The following CEP63 variants were observed in gnomAD, a reference collection of about 807,000 sequenced individuals.
The protein encoded by CEP63 is centrosomal protein 63, also known as centrosomal protein of 63 kDa.
A neutral mutation model predicts 89.1 loss-of-function variants in CEP63; 84 were observed. That is an observed-to-expected ratio of 0.94 (90% CI 0.79 to 1.13). The LOEUF (loss-of-function observed/expected upper bound fraction) is 1.13, where lower values mean the gene tolerates loss of function less well. Among genes scored for constraint, CEP63 ranks in the 50% most tolerant of loss-of-function variants. CEP63 has a pLI of 0.00. For missense variants in CEP63, 838 were observed against 813.3 expected (o/e 1.03, Z -0.37); for synonymous variants, 267 against 272.5 (o/e 0.98, Z 0.20).
the CEP63 span, among the ~76,000 whole-genome samples, chr3:134,700,736 G>A: frequency 2.6e-5 from 4 of 152,100 alleles, 1 homozygote; most frequent in South Asian, 8.3e-4. Context: ...GGGATGGGGA[G>A]GGAGATGAAG....
chr3:134,493,884 C>A (rs1043758655), intron 1 of CEP63, among the ~76,000 whole-genome samples: 2 of 152,096 alleles, frequency 1.3e-5, no homozygotes, highest in African/African-American at 4.8e-5. Flanking sequence ...AGCCCAGGGG[C>A]AGAACCTCTA....
chr3:134,706,428 T>C, the CEP63 span, among the ~76,000 whole-genome samples: 2 of 152,184 alleles, frequency 1.3e-5, no homozygotes, highest in Non-Finnish European at 2.9e-5. Flanking sequence ...TCTCCAGCTA[T>C]GAGATGCTAA....
chr3:134,522,375 C>T (rs778258000), intron 3 of CEP63, among the ~76,000 whole-genome samples: 7 of 152,070 alleles, frequency 4.6e-5, no homozygotes, highest in African/African-American at 7.2e-5. Context: ...TGTGGGTTCA[C>T]AAGGGATATA....
At chr3:134,751,012 A>C in the CEP63 span, among the ~76,000 whole-genome samples, 1 of 152,206 alleles carries the variant, frequency 6.6e-6, no homozygotes, top group Non-Finnish European at 1.5e-5. Context: ...TGTTACTCCA[A>C]AGGAAACCGT....
chr3:134,739,700 C>T, the CEP63 span, among the ~76,000 whole-genome samples: 1 of 137,758 alleles, frequency 7.3e-6, no homozygotes. Flanking sequence ...CAAATCAATG[C>T]TTGTTTTTTT....
chr3:134,590,755 C>T (rs1958582028), downstream of CEP63, among the ~76,000 whole-genome samples: 1 of 150,792 alleles, frequency 6.6e-6, no homozygotes, highest in African/African-American at 2.5e-5. Context: ...TTTTGCATAC[C>T]TTTCACCAGA....
At chr3:134,520,698 A>G (rs1167150391) in intron 3 of CEP63, among the ~76,000 whole-genome samples, 1 of 152,166 alleles carries the variant, frequency 6.6e-6, no homozygotes, top group Non-Finnish European at 1.5e-5. Context: ...AGACCAATGG[A>G]ACAGAATAAA....
At chr3:134,554,379 C>T (rs1300799816) in intron 12 of CEP63, among the ~76,000 whole-genome samples, 3 of 148,482 alleles carry the variant, frequency 2.0e-5, no homozygotes, top group South Asian at 2.2e-4. Context: ...TGATGATTTC[C>T]AATTTCATCC....
chr3:134,705,891 C>T, the CEP63 span, among the ~76,000 whole-genome samples: 1 of 152,164 alleles, frequency 6.6e-6, no homozygotes, highest in East Asian at 1.9e-4. Flanking sequence ...GATTCAGGAC[C>T]TTACATAACT....
At chr3:134,703,663 G>T in the CEP63 span, among the ~76,000 whole-genome samples, 1 of 152,080 alleles carries the variant, frequency 6.6e-6, no homozygotes, top group Non-Finnish European at 1.5e-5. Context: ...AGATCAAGAA[G>T]AATAGCTAAT....
chr3:134,607,404 AG>A, the CEP63 span: 1 of 985,582 alleles, frequency 1.0e-6, no homozygotes, highest in Non-Finnish European at 1.2e-6. Flanking sequence ...GGAGCTCCCC[AG>A]GGGCTCTGGG....
chr3:134,750,460 A>T, the CEP63 span, among the ~76,000 whole-genome samples: 4 of 152,286 alleles, frequency 2.6e-5, no homozygotes, highest in South Asian at 4.1e-4. Context: ...AGCTCATAGG[A>T]TAGGATGGAG....
the CEP63 span, among the ~76,000 whole-genome samples, chr3:134,661,128 C>T: frequency 6.6e-6 from 1 of 152,194 alleles, no homozygotes; most frequent in Admixed American, 6.5e-5. Context: ...GAGTTTCTTG[C>T]AGCCTTCCTG....
the CEP63 span, among the ~76,000 whole-genome samples, chr3:134,648,145 C>T: frequency 5.3e-5 from 8 of 152,296 alleles, no homozygotes; most frequent in East Asian, 3.9e-4. Flanking sequence ...GTTCTGGCAG[C>T]GGGAGCTGCT....
chr3:134,553,951 T>A (rs1157090641), intron 12 of CEP63, among the ~76,000 whole-genome samples: 2 of 152,170 alleles, frequency 1.3e-5, no homozygotes, highest in Non-Finnish European at 1.5e-5. Flanking sequence ...CAATGGTTAA[T>A]TTTTGATTTT....
intron 3 of CEP63, among the ~76,000 whole-genome samples, chr3:134,521,762 C>T (rs1947512922): frequency 6.6e-6 from 1 of 152,150 alleles, no homozygotes; most frequent in African/African-American, 2.4e-5. Context: ...GCATAAGAAT[C>T]AATAGTCCAA....
At chr3:134,743,058 T>A in the CEP63 span, among the ~76,000 whole-genome samples, 5 of 152,198 alleles carry the variant, frequency 3.3e-5, no homozygotes, top group Admixed American at 2.6e-4. Context: ...CTCCAGGGCA[T>A]AACACCCAGG....
exon 11 of CEP63, among the ~76,000 whole-genome samples, chr3:134,587,680 G>C (rs1295553604): frequency 6.6e-6 from 1 of 152,106 alleles, no homozygotes; most frequent in Non-Finnish European, 1.5e-5. Flanking sequence ...GAGGCAGTCT[G>C]TCTGTTCTCA....
At chr3:134,657,443 T>C in the CEP63 span, among the ~76,000 whole-genome samples, 39 of 152,344 alleles carry the variant, frequency 2.6e-4, no homozygotes, top group Non-Finnish European at 4.0e-4. Context: ...TTGCACCATA[T>C]ATAGTTTGGT....
Sources: gnomAD v4.1 joint callset for allele counts (sites outside exome capture counted in the v4.1 genomes callset) on GRCh38, gnomAD v4.1.1 for gene constraint, MANE v1.5 for transcripts, NCBI Gene and HGNC (gene_info 2026-07-23, HGNC 2026-07-21) for gene names.